The following BAZ1B variants were observed in gnomAD, a reference collection of about 807,000 sequenced individuals.
BAZ1B encodes the protein bromodomain adjacent to zinc finger domain 1B.
Under a neutral mutation model 153.8 loss-of-function variants are expected in BAZ1B, and 22 were observed. The ratio of observed to expected loss-of-function variants is 0.14; its 90% CI spans 0.10 to 0.20. BAZ1B has a LOEUF of 0.20. BAZ1B is among the 10% of genes least tolerant of loss of function. The pLI is 1.00. For missense variants in BAZ1B, 1,325 were observed against 1,799.3 expected, an observed-to-expected ratio of 0.74 and a Z score of 4.77; for synonymous variants, 676 against 633.4, an observed-to-expected ratio of 1.07 and a Z score of -1.01.
intron 7 of BAZ1B, 99 bp downstream of exon 7, chr7:73,476,769 A>G (rs782574533): frequency 1.9e-5 from 29 of 1,505,146 alleles, no homozygotes; most frequent in Non-Finnish European, 2.6e-5. Flanking sequence ...ACATACAGAA[A>G]TAAGTAAACA....
At chr7:73,498,809 G>GA (rs781803944) in intron 3 of BAZ1B, 111 bp from the exon 4 acceptor site, 8 of 923,018 alleles carry the variant, frequency 8.7e-6, no homozygotes, top group Non-Finnish European at 1.3e-5. Context: ...AAAGGTGATT[G>GA]AAACAGTAAA....
rs369349280 is a variant in BAZ1B, at chr7:73,445,676, G to A, written c.3845-1547C>T. 2.6e-5 allele frequency among the ~76,000 whole-genome samples: 4 copies of A among 152,192 alleles called. No homozygotes were observed. The East Asian group carries it at 7.7e-4, about 29-fold the overall frequency. ...ACTTGAACCCAAGAGTTCAAGACCA[G>A]CCTGGGAAACATGGCAAGACCCTAT... On this transcript the variant is annotated intron_variant, in intron 16 of 19. Transcript: ENST00000339594.
At chr7:73,518,015 T>C (rs1346673099) in intron 1 of BAZ1B, among the ~76,000 whole-genome samples, 1 of 152,216 alleles carries the variant, frequency 6.6e-6, no homozygotes, top group Non-Finnish European at 1.5e-5. Context: ...TTACTCGATA[T>C]TCTCTCTTAC....
chr7:73,499,507 G>T (rs1396021043), intron 3 of BAZ1B, among the ~76,000 whole-genome samples: 1 of 152,182 alleles, frequency 6.6e-6, no homozygotes, highest in African/African-American at 2.4e-5. Context: ...TTTGAGGCTA[G>T]CCTGGGCAAT....
At position 73,465,554 on chromosome 7, in the gene BAZ1B, G is replaced by C; in HGVS notation, c.2973-17C>G. 7.0e-7 allele frequency: 1 copy of C among 1,423,898 alleles called. No individual in the cohort carries two copies. 88.2% of individuals were successfully genotyped at this position (1,423,898 alleles called of 1,614,324 possible). On this transcript the variant is annotated splice_polypyrimidine_tract_variant and intron_variant, in intron 10 of 19. Transcript: ENST00000339594. ...CATAAAAACCTGTAGGGGCAAAAGAGACCTGATAACTCTGAAAAAAAAAAA... is the reference window on the plus strand; with the variant it reads ...CATAAAAACCTGTAGGGGCAAAAGACACCTGATAACTCTGAAAAAAAAAAA...
At chr7:73,497,125 C>CCCAGCTACT (rs1249810019) in intron 4 of BAZ1B, among the ~76,000 whole-genome samples, 1 of 147,210 alleles carries the variant, frequency 6.8e-6, no homozygotes, top group African/African-American at 2.6e-5. Context: ...TGCCTACGGT[C>CCCAGCTACT]CCAGCTACTT....
rs79894660 is a variant in BAZ1B at position 73,496,470 on chromosome 7, A to C, written c.571+2027T>G. ...GACAGACAACATCACATTCTAATGC[A>C]AAGTTTGTACCAGTTAAATAGTAAG... On this transcript the variant is annotated intron_variant, in intron 4 of 19. Transcript: ENST00000339594. Among the ~76,000 whole-genome samples, 352 of 152,356 alleles carry C rather than the reference A, an allele frequency of 2.3e-3. 1 individual carries two copies. The highest frequency in any genetic ancestry group is 8.1e-3 in the African/African-American group (338 of 41,592).
At position 73,478,312 on chromosome 7, in the gene BAZ1B, G is replaced by A. The variant is rs564086867; in HGVS notation, c.1149C>T (p.His383=). 6.2e-7 allele frequency: 1 copy of A among 1,614,138 alleles called. No individual in the cohort carries two copies. The highest frequency in any genetic ancestry group is 8.5e-7 in the Non-Finnish European group (1 of 1,180,022). ...TGGCAGGTGGGCCTTTTTTAGGAAT[G>A]TGAAAGTTAGTGTGCAGCTTATTGG... ...MSPNKLHTNF[H]IPKKGPPAKK... is the part of the protein sequence containing the mutation. The change falls in exon 7 of 20, where the codon CAC becomes CAT. Residue 383 remains histidine (H), a synonymous_variant. Transcript: ENST00000339594.
chr7:73,509,813 CAAA>C (rs782401176), intron 2 of BAZ1B, among the ~76,000 whole-genome samples: 1 of 134,036 alleles, frequency 7.5e-6, no homozygotes, highest in Non-Finnish European at 1.6e-5. Flanking sequence ...ATTAAACTAG[CAAA>C]AAAAAAAAAA....
At chr7:73,458,945 T>A (rs1048610744) in intron 13 of BAZ1B, among the ~76,000 whole-genome samples, 6 of 151,986 alleles carry the variant, frequency 3.9e-5, no homozygotes, top group Admixed American at 2.6e-4. Flanking sequence ...ACCACCTTTT[T>A]AAAAAAGAAA....
intron 3 of BAZ1B, among the ~76,000 whole-genome samples, chr7:73,500,307 G>A (rs776408680): frequency 3.5e-4 from 53 of 152,222 alleles, no homozygotes; most frequent in Non-Finnish European, 6.0e-4. Flanking sequence ...GGAGGCCAAG[G>A]TGGGTGGACT....
chr7:73,505,773 A>G (rs1790313194), intron 3 of BAZ1B, among the ~76,000 whole-genome samples: 1 of 152,068 alleles, frequency 6.6e-6, no homozygotes, highest in Admixed American at 6.6e-5. Flanking sequence ...CTGGTCTCAA[A>G]CTCCTGACCT....
chr7:73,519,866 C>T (rs1455896482), intron 1 of BAZ1B, among the ~76,000 whole-genome samples: 1 of 152,082 alleles, frequency 6.6e-6, no homozygotes, highest in Non-Finnish European at 1.5e-5. Flanking sequence ...AAGTATATGT[C>T]GGATTCTCAC....
chr7:73,459,682 A>G lies in BAZ1B; in HGVS notation c.3286T>C (p.Cys1096Arg). ...SLEKLKDFGE[C>R]VIALQASVIK... Reference sequence around the variant, plus strand: ...ACACTGGCCTGAAGGGCAATCACACACTCACCAAAATCCTTCAATTTCTCT... The same window carrying G: ...ACACTGGCCTGAAGGGCAATCACACGCTCACCAAAATCCTTCAATTTCTCT... Residue 1096 changes from cysteine (C) to arginine (R), a missense_variant, in exon 13 of 20, where the codon TGT (cysteine) becomes CGT (arginine). Around this residue, in one of 9 missense-constraint regions of BAZ1B, gnomAD observed 431 missense variants for 563.5 expected, o/e 0.76. Coordinates refer to ENST00000339594, the MANE Select transcript of BAZ1B (RefSeq NM_032408.4). 6.2e-7 allele frequency: 1 copy of G among 1,612,134 alleles called. No individual in the cohort carries two copies. The highest frequency in any genetic ancestry group is 8.5e-7 in the Non-Finnish European group (1 of 1,179,460).
intron 13 of BAZ1B, among the ~76,000 whole-genome samples, chr7:73,453,823 T>TA (rs1225911887): frequency 6.7e-6 from 1 of 149,418 alleles, no homozygotes; most frequent in African/African-American, 2.5e-5. Context: ...TACAGAAAAA[T>TA]ACAGAAAAAG....
chr7:73,486,779 G>A (rs1420547692), intron 6 of BAZ1B, among the ~76,000 whole-genome samples: 1 of 152,180 alleles, frequency 6.6e-6, no homozygotes, highest in Non-Finnish European at 1.5e-5. Flanking sequence ...TGGGTCCTAT[G>A]TGATCAACTT....
At chr7:73,443,078 G>A (rs1787689715) in intron 17 of BAZ1B, among the ~76,000 whole-genome samples, 1 of 152,188 alleles carries the variant, frequency 6.6e-6, no homozygotes. Context: ...GCAGGCAGCG[G>A]GGGCCGCCTT....
chr7:73,517,479 AGAGT>A (rs1554579538), intron 1 of BAZ1B, among the ~76,000 whole-genome samples: 2 of 152,174 alleles, frequency 1.3e-5, no homozygotes, highest in East Asian at 1.9e-4. Context: ...CCTGGGCAAC[AGAGT>A]GAGACCCTGT....
rs1554565698 is a variant in BAZ1B, at chr7:73,443,976, A to T, written c.3990+8T>A. 1 of 1,613,286 alleles carries T rather than the reference A, an allele frequency of 6.2e-7. No homozygotes were observed. The highest frequency in any genetic ancestry group is 1.7e-5 in the Admixed American group (1 of 59,884). ...AAGGTTAGAGAAGGGATGATAAATA[A>T]TTCTCACCAGCTCATCCACCTCAGC... On this transcript the variant is annotated splice_region_variant and intron_variant, in intron 17 of 19. Transcript: ENST00000339594.
Sources: gnomAD v4.1 joint callset for allele counts (sites outside exome capture counted in the v4.1 genomes callset) on GRCh38, gnomAD v4.1.1 for gene constraint, gnomAD v4.1.1 regional missense constraint, MANE v1.5 for transcripts, NCBI Gene and HGNC (gene_info 2026-07-23, HGNC 2026-07-21) for gene names.